The following FANCA variants were observed in gnomAD, a reference collection of about 807,000 sequenced individuals.
The protein encoded by FANCA is FA complementation group A.
Under a neutral mutation model 194.3 loss-of-function variants are expected in FANCA, and 236 were observed. The ratio of observed to expected loss-of-function variants is 1.21; its 90% CI spans 1.09 to 1.35. The LOEUF (loss-of-function observed/expected upper bound fraction) is 1.35, where lower values mean the gene tolerates loss of function less well. Among genes scored for constraint, FANCA ranks in the 40% most tolerant of loss-of-function variants. FANCA has a pLI of 0.00. For synonymous variants in FANCA, 1,014 were observed against 715.8 expected (o/e 1.42, Z -6.65); for missense variants, 2,628 against 1,813.9 (o/e 1.45, Z -8.15).
At position 89,794,902 on chromosome 16, in the gene FANCA, G is replaced by A. The variant is rs575350789; in HGVS notation, c.1006+1004C>T. ...CCATGACACAGTCACAGCAAGGCAA[G>A]GGTAGCCAGCAGAAAGATAACGTGA... On this transcript the variant is annotated intron_variant, in intron 11 of 42. Transcript: ENST00000389301. Among the ~76,000 whole-genome samples, 5 of 152,334 alleles carry A rather than the reference G, an allele frequency of 3.3e-5. No individual in the cohort carries two copies. In the South Asian group the frequency reaches 1.0e-3, roughly 32 times the overall value.
rs538371043 is a variant in FANCA, at chr16:89,786,487, T to C, written c.1360-1523A>G. On this transcript the variant is annotated intron_variant, in intron 14 of 42. Coordinates refer to ENST00000389301, the MANE Select transcript of FANCA (RefSeq NM_000135.4). ...CCACCACGTCTGACCTAGCTAATTT[T>C]TGTCTTTTTAGTAGAGATGAGGTTT... Among the ~76,000 whole-genome samples the C allele has an allele frequency of 7.2e-5, 11 of 152,306 alleles. 1 individual carries two copies. The South Asian group carries it at 2.1e-3, about 29-fold the overall frequency.
At chr16:89,793,273 C>T (rs927983196) in intron 11 of FANCA, among the ~76,000 whole-genome samples, 7 of 152,112 alleles carry the variant, frequency 4.6e-5, no homozygotes, top group African/African-American at 7.2e-5. Context: ...CAGACGCTGC[C>T]GTCACCGCTA....
chr16:89,791,464 A>T lies in FANCA; in HGVS notation c.1298T>A (p.Val433Asp). 6.2e-7 allele frequency: 1 copy of T among 1,614,164 alleles called. No individual in the cohort carries two copies. Among genetic ancestry groups the T allele is most frequent in the Admixed American group, 1.7e-5 (1 of 60,024 alleles). Residue 433 changes from valine to aspartate, a missense_variant, in exon 14 of 43, where the codon GTT (valine) becomes GAT (aspartate). Coordinates refer to ENST00000389301, the MANE Select transcript of FANCA (RefSeq NM_000135.4). ...QLDSMVTAFL[V>D]VRQAALEGPS... ...GCCCTCCAGTGCTGCCTGGCGCACA[A>T]CCAGGAACGCAGTGACCATGCTGTC...
intron 33 of FANCA, 36 bp from the exon 34 acceptor site, chr16:89,746,926 C>A (rs774896606): frequency 2.6e-6 from 4 of 1,541,830 alleles, no homozygotes; most frequent in African/African-American, 1.4e-5. Context: ...GAAAAGCCCA[C>A]AGGAAGAGAG....
intron 26 of FANCA, among the ~76,000 whole-genome samples, chr16:89,769,014 C>G (rs1598108786): frequency 6.6e-6 from 1 of 152,208 alleles, no homozygotes; most frequent in Non-Finnish European, 1.5e-5. Context: ...TGCCTGCTCC[C>G]CGAGGCCCAT....
intron 10 of FANCA, among the ~76,000 whole-genome samples, chr16:89,796,500 G>A (rs892360218): frequency 2.0e-5 from 3 of 152,212 alleles, no homozygotes; most frequent in South Asian, 4.1e-4. Flanking sequence ...CCATGAAGAT[G>A]AGGAAGGAAT....
chr16:89,745,909 C>T lies in FANCA; in HGVS notation c.3513+675G>A, dbSNP rs1008064388. Among the ~76,000 whole-genome samples, 3 of 152,336 alleles carry T rather than the reference C, an allele frequency of 2.0e-5. 1 individual carries two copies. Among genetic ancestry groups the T allele is most frequent in the African/African-American group, 7.2e-5 (3 of 41,580 alleles). The stretch of plus-strand genomic sequence containing the variant: ...TAAACACCGAAGAGTTCATTTCTCA[C>T]GAATTCCACCAACTGAGCTACAACT... On this transcript the variant is annotated intron_variant, in intron 35 of 42. Transcript: ENST00000389301.
At chr16:89,811,231 A>C (rs1367264715) in intron 3 of FANCA, among the ~76,000 whole-genome samples, 160 bp from the exon 4 acceptor site, 6 of 152,222 alleles carry the variant, frequency 3.9e-5, no homozygotes, top group African/African-American at 7.2e-5. Flanking sequence ...TGAGATAAAA[A>C]TGAGAATTTG....
chr16:89,772,632 C>A (rs2143360005), intron 22 of FANCA, among the ~76,000 whole-genome samples: 1 of 152,280 alleles, frequency 6.6e-6, no homozygotes, highest in African/African-American at 2.4e-5. Context: ...GCCTGGCCAA[C>A]ATGGTGAAAC....
At chr16:89,745,126 G>A (rs1427480011) in intron 35 of FANCA, 55 bp from the exon 36 acceptor site, 54 of 1,486,662 alleles carry the variant, frequency 3.6e-5, no homozygotes, top group Non-Finnish European at 4.7e-5. Context: ...ACACACCTCC[G>A]CTGCCCCAGC....
chr16:89,791,681 G>T, intron 13 of FANCA, 145 bp from the exon 14 acceptor site: 1 of 1,218,444 alleles, frequency 8.2e-7, no homozygotes, highest in South Asian at 1.3e-5. Context: ...AGCAATTACA[G>T]CATGTCAAGT....
rs2143679200 is a variant in FANCA at position 89,810,935 on chromosome 16, C to T, written c.420G>A (p.Glu140=). The stretch of plus-strand genomic sequence containing the variant: ...ATCTTTGCTGGTGTCTTACTCTCTG[C>T]TCCACAGTCAGCAGCACAGGGTGAC... ...ETSHPVLLTV[E]QRKKLSSLLE... The change falls in exon 4 of 43, where the codon GAG becomes GAA. Residue 140 remains glutamate, a synonymous_variant. Transcript: ENST00000389301. 1 of 1,614,166 alleles carries T rather than the reference C, an allele frequency of 6.2e-7. No individual in the cohort carries two copies. Among genetic ancestry groups the T allele is most frequent in the Non-Finnish European group, 8.5e-7 (1 of 1,180,048 alleles).
chr16:89,798,830 T>G, intron 10 of FANCA: 1 of 1,484,304 alleles, frequency 6.7e-7, no homozygotes, highest in Non-Finnish European at 8.9e-7. Flanking sequence ...CTCTAGAGCC[T>G]GAATCACACC....
intron 14 of FANCA, among the ~76,000 whole-genome samples, chr16:89,790,458 C>T (rs572212546): frequency 4.6e-5 from 7 of 151,702 alleles, no homozygotes; most frequent in African/African-American, 1.5e-4. Context: ...AGGCCAGGTG[C>T]GCTGGCTCAT....
chr16:89,800,688 G>T (rs966763324), intron 8 of FANCA, among the ~76,000 whole-genome samples: 1 of 152,162 alleles, frequency 6.6e-6, no homozygotes, highest in Non-Finnish European at 1.5e-5. Context: ...AATGAAAACA[G>T]CATGAGGTTG....
chr16:89,798,731 C>A, intron 10 of FANCA: 6 of 1,343,800 alleles, frequency 4.5e-6, no homozygotes, highest in Non-Finnish European at 5.8e-6. Flanking sequence ...TGAATCTGAG[C>A]AGGATCTGTG....
At chr16:89,739,626 G>A (rs2062074531) in intron 39 of FANCA, 73 bp from the exon 40 acceptor site, 18 of 1,523,320 alleles carry the variant, frequency 1.2e-5, no homozygotes, top group Non-Finnish European at 5.3e-6. Flanking sequence ...ACACCCCTGG[G>A]GGTCGGGACG....
intron 20 of FANCA, among the ~76,000 whole-genome samples, chr16:89,776,170 T>C (rs1567623412): frequency 2.2e-5 from 3 of 139,388 alleles, no homozygotes; most frequent in East Asian, 2.0e-4. Flanking sequence ...TTTTTTTTTT[T>C]TTTTTTTTTT....
chr16:89,764,760 C>G, intron 28 of FANCA, 130 bp downstream of exon 28: 2 of 1,134,622 alleles, frequency 1.8e-6, no homozygotes, highest in Non-Finnish European at 2.7e-6. Flanking sequence ...CACACACACC[C>G]TAGACTCGGG....
Sources: allele counts gnomAD v4.1 joint callset (sites outside exome capture counted in the v4.1 genomes callset), GRCh38; gene constraint gnomAD v4.1.1; transcripts MANE v1.5; gene names NCBI Gene and HGNC (gene_info 2026-07-23, HGNC 2026-07-21).